The following XRCC6 variants were observed in gnomAD, a reference collection of about 807,000 sequenced individuals.
XRCC6 encodes the protein DNA repair protein Ku70.
A neutral mutation model predicts 65.7 loss-of-function variants in XRCC6; 5 were observed. The observed-to-expected ratio is 0.08, with a 90% confidence interval of 0.04 to 0.16. The LOEUF (loss-of-function observed/expected upper bound fraction) is 0.16. XRCC6 is among the 10% of genes least tolerant of loss of function. The pLI is 1.00. For missense variants in XRCC6, 447 were observed against 738.1 expected, an observed-to-expected ratio of 0.61 and a Z score of 4.57; for synonymous variants, 270 against 270.6, an observed-to-expected ratio of 1.00 and a Z score of 0.02.
chr22:41,654,705 G>A (rs1258288141), intron 9 of XRCC6, among the ~76,000 whole-genome samples: 3 of 152,178 alleles, frequency 2.0e-5, no homozygotes, highest in Non-Finnish European at 4.4e-5. Flanking sequence ...AAAAAGGGGC[G>A]AGGGTGAAGC....
rs546683342 is a variant in XRCC6 at position 41,624,512 on chromosome 22, C to T, written c.82+2426C>T. On this transcript the variant is annotated intron_variant, in intron 2 of 12. Transcript: ENST00000360079. ...CCATCCTGACTAACATGGTGAAACC[C>T]CGTCTCTACTAAAAAAATACAAAAA... 2.0e-5 allele frequency among the ~76,000 whole-genome samples: 3 copies of T among 151,070 alleles called. No individual in the cohort carries two copies. In the South Asian group the frequency reaches 6.3e-4, roughly 32 times the overall value.
chr22:41,622,668 C>T (rs954582005), intron 2 of XRCC6, among the ~76,000 whole-genome samples: 6 of 152,020 alleles, frequency 3.9e-5, no homozygotes, highest in Non-Finnish European at 5.9e-5. Flanking sequence ...CGGCCAGGCG[C>T]GGTGTCTCAA....
At position 41,621,315 on chromosome 22, in the gene XRCC6, T is replaced by G. The variant is rs377088635; in HGVS notation, c.-46T>G. 13 of 185,470 alleles carry G rather than the reference T, an allele frequency of 7.0e-5. No individual in the cohort carries two copies. The highest frequency in any genetic ancestry group is 1.6e-4 in the East Asian group (1 of 6,398). 11.5% of individuals were successfully genotyped at this position (185,470 alleles called of 1,614,324 possible). On this transcript the variant is annotated 5_prime_UTR_variant, in exon 1 of 13. Transcript: ENST00000360079. ...CGCGCATGCGTGGATTGTCGTCTTC[T>G]GTCCAAGTTGGTCGCTTCCCTGCGC...
chr22:41,624,260 C>T (rs1049491990), intron 2 of XRCC6, among the ~76,000 whole-genome samples: 1 of 152,096 alleles, frequency 6.6e-6, no homozygotes, highest in Non-Finnish European at 1.5e-5. Context: ...TGGTGGCATG[C>T]ACTTGTAGTC....
Position 41,636,701 on chromosome 22 carries a change from A to C in XRCC6, c.520A>C (p.Asn174His). 1 of 1,614,218 alleles carries C rather than the reference A, an allele frequency of 6.2e-7. No homozygotes were observed. The highest frequency in any genetic ancestry group is 8.5e-7 in the Non-Finnish European group (1 of 1,180,050). Reference sequence around the variant, plus strand: ...GATCATGCTGTTCACCAATGAAGACAACCCCCATGGCAATGACAGTGCCAA... The same window carrying C: ...GATCATGCTGTTCACCAATGAAGACCACCCCCATGGCAATGACAGTGCCAA... The part of the protein sequence containing the change: ...KRIMLFTNED[N>H]PHGNDSAKAS... Residue 174 changes from asparagine (N) to histidine (H), a missense_variant, in exon 5 of 13, where the codon AAC (asparagine) becomes CAC (histidine). Transcript: ENST00000360079.
At chr22:41,661,947 TAAGTG>T (rs900834869) in intron 12 of XRCC6, among the ~76,000 whole-genome samples, 2 of 152,228 alleles carry the variant, frequency 1.3e-5, no homozygotes, top group Non-Finnish European at 2.9e-5. Context: ...AATAATATGT[TAAGTG>T]AAGTAAGCCA....
intron 10 of XRCC6, among the ~76,000 whole-genome samples, chr22:41,657,749 A>G (rs1195692552): frequency 3.3e-5 from 5 of 151,634 alleles, no homozygotes; most frequent in African/African-American, 7.3e-5. Flanking sequence ...GGAACTCCTG[A>G]GCTCAAGCCA....
chr22:41,657,303 T>G (rs1415033034), intron 10 of XRCC6, among the ~76,000 whole-genome samples: 1 of 152,154 alleles, frequency 6.6e-6, no homozygotes, highest in East Asian at 1.9e-4. Flanking sequence ...TTATTCGCCC[T>G]TCTCCTTGAT....
intron 3 of XRCC6, among the ~76,000 whole-genome samples, chr22:41,633,582 C>T (rs930180875): frequency 2.6e-4 from 40 of 152,054 alleles, no homozygotes; most frequent in African/African-American, 9.4e-4. Flanking sequence ...GGGGTTTCAC[C>T]ATGTTAGCCA....
chr22:41,649,563 T>C (rs2067974228), intron 7 of XRCC6, among the ~76,000 whole-genome samples: 1 of 151,936 alleles, frequency 6.6e-6, no homozygotes, highest in African/African-American at 2.4e-5. Context: ...ATTTAATAAA[T>C]AGATGTGGTG....
At chr22:41,633,645 T>C (rs2067780363) in intron 3 of XRCC6, among the ~76,000 whole-genome samples, 1 of 152,122 alleles carries the variant, frequency 6.6e-6, no homozygotes, top group African/African-American at 2.4e-5. Flanking sequence ...CCTCCCAAAG[T>C]GCTGGGATTA....
chr22:41,662,997 C>G (rs1308402547), intron 12 of XRCC6, among the ~76,000 whole-genome samples: 1 of 152,150 alleles, frequency 6.6e-6, no homozygotes, highest in Non-Finnish European at 1.5e-5. Context: ...AGGAGAATCC[C>G]TTGAACCCGG....
intron 2 of XRCC6, 133 bp from the exon 3 acceptor site, chr22:41,627,985 G>A (rs1009684196): frequency 1.9e-6 from 1 of 535,220 alleles, no homozygotes; most frequent in Non-Finnish European, 3.2e-6. Context: ...CCTGACATAG[G>A]TGGAGATTTT....
intron 11 of XRCC6, 41 bp downstream of exon 11, chr22:41,658,393 T>C: frequency 6.3e-7 from 1 of 1,578,906 alleles, no homozygotes; most frequent in Non-Finnish European, 8.7e-7. Context: ...ATGGGAGGCT[T>C]TCTTACTGGT....
intron 2 of XRCC6, among the ~76,000 whole-genome samples, chr22:41,627,580 C>A (rs1426311786): frequency 1.4e-5 from 2 of 139,326 alleles, no homozygotes; most frequent in Non-Finnish European, 3.0e-5. Flanking sequence ...CACTGTACTC[C>A]ACCCTGGCAA....
chr22:41,628,016 A>G, intron 2 of XRCC6, 102 bp from the exon 3 acceptor site: 1 of 701,344 alleles, frequency 1.4e-6, no homozygotes. Context: ...ACCTTATAAT[A>G]ATTTATTAGG....
At position 41,663,764 on chromosome 22, in the gene XRCC6, G is replaced by A. The variant is rs132788; in HGVS notation, c.1779G>A (p.Gly593=). The change falls in exon 13 of 13, where the codon GGG becomes GGA. Residue 593 remains glycine (G), a synonymous_variant. Transcript: ENST00000360079. ...EACRAYGLKS[G]LKKQELLEAL... ...GCCGGGCTTACGGGCTGAAGAGTGG[G>A]CTGAAGAAGCAGGAGCTGCTGGAAG... is the stretch of plus-strand genomic sequence containing the variant. 19 of 1,613,684 alleles carry A rather than the reference G, an allele frequency of 1.2e-5. No homozygotes were observed. The East Asian group carries it at 3.8e-4, about 32-fold the overall frequency.
intron 7 of XRCC6, among the ~76,000 whole-genome samples, chr22:41,650,338 C>T (rs1391307857): frequency 6.6e-6 from 1 of 152,056 alleles, no homozygotes; most frequent in African/African-American, 2.4e-5. Flanking sequence ...CTCCTGGGCT[C>T]AAGCAGTCTT....
rs5751130 is a variant in XRCC6 at position 41,626,662 on chromosome 22, G to T, written c.83-1456G>T. ...TTTTTTGTTTTTTTTTTTTGAGACC[G>T]AGTCTCACTCTGTCACCTAGGCTGG... On this transcript the variant is annotated intron_variant, in intron 2 of 12. Coordinates refer to ENST00000360079, the MANE Select transcript of XRCC6 (RefSeq NM_001469.5). Among the ~76,000 whole-genome samples the T allele has an allele frequency of 2.1e-3, 287 of 136,016 alleles. 9 individuals carry two copies. In the East Asian group the frequency reaches 0.045, roughly 21 times the overall value. 89.2% of individuals were successfully genotyped at this position (136,016 alleles called of 152,430 possible). A position where few individuals can be genotyped will look rare whatever the true frequency, so the allele number is the denominator to read the frequency against.
Sources: gnomAD v4.1 joint callset for allele counts (sites outside exome capture counted in the v4.1 genomes callset) on GRCh38, gnomAD v4.1.1 for gene constraint, MANE v1.5 for transcripts, NCBI Gene and HGNC (gene_info 2026-07-23, HGNC 2026-07-21) for gene names.